MAPK6: variants seen among roughly 807,000 people sequenced by gnomAD.
MAPK6 encodes ERK-3.
In MAPK6, 19 loss-of-function variants were observed where a neutral mutation model predicts 59.3. That is an observed-to-expected ratio of 0.32 (90% CI 0.22 to 0.47). The LOEUF (loss-of-function observed/expected upper bound fraction) is 0.47, where lower values mean the gene tolerates loss of function less well. Ranked by LOEUF, MAPK6 falls within the 20% of genes least tolerant of loss-of-function variation. MAPK6 has a pLI of 1.00. For missense variants in MAPK6, 724 were observed against 847.9 expected, an observed-to-expected ratio of 0.85 and a Z score of 1.81; for synonymous variants, 316 against 290.3, an observed-to-expected ratio of 1.09 and a Z score of -0.90.
intron 2 of MAPK6, among the ~76,000 whole-genome samples, chr15:51,985,957 CA>C (rs1179326978): frequency 6.6e-5 from 9 of 137,090 alleles, no homozygotes; most frequent in African/African-American, 1.1e-4. Context: ...GACTCCGTCT[CA>C]AAAAAAAAAC....
At chr15:51,974,460 T>C (rs2057151352) in intron 1 of MAPK6, among the ~76,000 whole-genome samples, 1 of 150,834 alleles carries the variant, frequency 6.6e-6, no homozygotes, top group Non-Finnish European at 1.5e-5. Context: ...ATCGAGACCA[T>C]CCTGGCTAAC....
chr15:52,045,189 C>T (rs749250471), intron 1 of MAPK6, among the ~76,000 whole-genome samples: 8 of 152,142 alleles, frequency 5.3e-5, no homozygotes, highest in African/African-American at 1.2e-4. Flanking sequence ...ACTCCAACCA[C>T]TATTGTGTGA....
intron 2 of MAPK6, among the ~76,000 whole-genome samples, chr15:51,985,148 G>C (rs953498214): frequency 6.6e-6 from 1 of 152,004 alleles, no homozygotes; most frequent in South Asian, 2.1e-4. Flanking sequence ...TGTAGACCAC[G>C]CTGGGGAACA....
At chr15:52,023,106 C>CCA (rs2030602916) in intron 1 of MAPK6, among the ~76,000 whole-genome samples, 1 of 73,652 alleles carries the variant, frequency 1.4e-5, no homozygotes, top group African/African-American at 5.3e-5. Flanking sequence ...GACTCCGTCT[C>CCA]AAAAAAAAAA....
At chr15:52,050,219 T>G in intron 3 of MAPK6, 82 bp downstream of exon 3, 1 of 1,233,412 alleles carries the variant, frequency 8.1e-7, no homozygotes, top group East Asian at 2.5e-5. Context: ...CATATAAGAT[T>G]TAAAATAATT....
chr15:52,032,858 A>G (rs796737201), intron 1 of MAPK6, among the ~76,000 whole-genome samples: 32 of 151,984 alleles, frequency 2.1e-4, no homozygotes, highest in African/African-American at 7.7e-4. Context: ...CTAATTCTGT[A>G]TTTTTAGTAG....
At position 52,064,422 on chromosome 15, in the gene MAPK6, T is replaced by C; in HGVS notation, c.1588T>C (p.Phe530Leu). 1 of 1,611,828 alleles carries C rather than the reference T, an allele frequency of 6.2e-7. No homozygotes were observed. The highest frequency in any genetic ancestry group is 8.5e-7 in the Non-Finnish European group (1 of 1,179,760). The change falls in exon 6 of 6, where the codon TTT (phenylalanine) becomes CTT (leucine). Residue 530 changes from phenylalanine to leucine, a missense_variant. By Grantham distance (22) the Phe-to-Leu change is conservative (BLOSUM62 0). Transcript: ENST00000261845. ...GAATCAGGGATTTGATTTTGATTCCTTTATTGCAGGAACTATTCAGCTTAG... is the reference window on the plus strand; with the variant it reads ...GAATCAGGGATTTGATTTTGATTCCCTTATTGCAGGAACTATTCAGCTTAG... The part of the protein sequence containing the change: ...EKNQGFDFDS[F>L]IAGTIQLSSQ...
In MAPK6 at chr15:52,066,851, TACTC is replaced by T. The variant is rs1321138246; in HGVS notation, c.*1853_*1856del. On this transcript the variant is annotated 3_prime_UTR_variant, in exon 6 of 6. Coordinates refer to ENST00000261845, the MANE Select transcript of MAPK6 (RefSeq NM_002748.4). Reference sequence around the variant, plus strand: ...TACTGTCACGTTATTAATTTAAACATACTCAAATTACCTTAAGAGGACAAGCTCT... The same window carrying T: ...TACTGTCACGTTATTAATTTAAACATAAATTACCTTAAGAGGACAAGCTCT... 2 of 151,942 alleles carry T rather than the reference TACTC, an allele frequency of 1.3e-5. No homozygotes were observed. The highest frequency in any genetic ancestry group is 2.4e-5 in the African/African-American group (1 of 41,366). The allele number at this position is 151,942 out of a possible 1,614,324, so 9.4% of individuals were successfully genotyped here. A position where few individuals can be genotyped will look rare whatever the true frequency, so the allele number is the denominator to read the frequency against.
intron 3 of MAPK6, among the ~76,000 whole-genome samples, chr15:52,012,520 C>G (rs900494565): frequency 6.6e-6 from 1 of 152,158 alleles, no homozygotes; most frequent in African/African-American, 2.4e-5. Context: ...TGGTCCTTTT[C>G]AAATGATTTT....
At chr15:52,037,017 TG>T (rs1031963340) in intron 1 of MAPK6, among the ~76,000 whole-genome samples, 5 of 152,148 alleles carry the variant, frequency 3.3e-5, no homozygotes, top group African/African-American at 1.2e-4. Context: ...ATTAGGGAAT[TG>T]GCCAGATGCG....
chr15:52,007,847 C>CT (rs71425727), intron 3 of MAPK6, among the ~76,000 whole-genome samples: 3,355 of 139,790 alleles, frequency 0.024, 147 homozygotes, highest in African/African-American at 0.076. Flanking sequence ...TATTTCACCT[C>CT]TTTTTTTTTT....
chr15:51,992,305 A>ATATATATATATAT (rs572519819), intron 2 of MAPK6, among the ~76,000 whole-genome samples: 2 of 101,424 alleles, frequency 2.0e-5, no homozygotes, highest in Non-Finnish European at 4.0e-5. Context: ...ATATATATAT[A>ATATATATATATAT]TTTTTTTTTT....
intron 1 of MAPK6, among the ~76,000 whole-genome samples, chr15:51,972,625 C>A (rs895622483): frequency 7.6e-5 from 10 of 131,036 alleles, no homozygotes; most frequent in Admixed American, 7.3e-4. Flanking sequence ...AGATCGAGAC[C>A]ATCCTGGCTA....
intron 3 of MAPK6, among the ~76,000 whole-genome samples, chr15:52,010,651 T>C (rs1290525640): frequency 2.0e-5 from 3 of 151,950 alleles, no homozygotes; most frequent in Non-Finnish European, 4.4e-5. Flanking sequence ...CCTGAGTAGC[T>C]GGGACTACAG....
At chr15:52,052,407 A>G (rs1357386270) in intron 3 of MAPK6, among the ~76,000 whole-genome samples, 1 of 152,218 alleles carries the variant, frequency 6.6e-6, no homozygotes, top group Non-Finnish European at 1.5e-5. Flanking sequence ...AAAAAGTTGT[A>G]TTGTTATATA....
intron 1 of MAPK6, among the ~76,000 whole-genome samples, chr15:52,033,295 G>T (rs2031110168): frequency 6.6e-6 from 1 of 152,142 alleles, no homozygotes; most frequent in South Asian, 2.1e-4. Flanking sequence ...TGACCTTTGA[G>T]TCAGTGGACT....
chr15:52,053,156 A>G (rs191180098), intron 3 of MAPK6, among the ~76,000 whole-genome samples: 52 of 143,972 alleles, frequency 3.6e-4, no homozygotes, highest in Admixed American at 1.0e-3. Context: ...CACTGCAACC[A>G]CTGCCACCCA....
In MAPK6 at chr15:51,991,660, C is replaced by T. The variant is rs1211107454; in HGVS notation, c.-770+8345C>T. 7.2e-5 allele frequency among the ~76,000 whole-genome samples: 11 copies of T among 152,178 alleles called. 1 individual carries two copies. The highest frequency in any genetic ancestry group is 7.2e-4 in the Admixed American group (11 of 15,280). ...ATCAGAAAAGGCTATGTCATAGATA[C>T]ATACACAGTTCTCTGAGGGTCTAGG... On this transcript the variant is annotated intron_variant, in intron 2 of 7. Transcript: ENST00000691380.
At chr15:52,032,178 A>T (rs1186445657) in intron 1 of MAPK6, among the ~76,000 whole-genome samples, 3 of 142,054 alleles carry the variant, frequency 2.1e-5, no homozygotes, top group Non-Finnish European at 4.5e-5. Context: ...CCAGCCCAAC[A>T]ATTTTTAATT....
Sources: allele counts gnomAD v4.1 joint callset (sites outside exome capture counted in the v4.1 genomes callset), GRCh38; gene constraint gnomAD v4.1.1; transcripts MANE v1.5; gene names NCBI Gene and HGNC (gene_info 2026-07-23, HGNC 2026-07-21).